Variants in RPS17 observed in about 807,000 individuals in gnomAD.
The protein encoded by RPS17 is small ribosomal subunit protein eS17.
For missense variants in RPS17, 68 were observed against 182.3 expected (o/e 0.37, Z 3.61); for synonymous variants, 75 against 65.6 (o/e 1.14, Z -0.70).
chr15:82,539,764 G>T, intron 2 of RPS17: 1 of 753,510 alleles, frequency 1.3e-6, no homozygotes. Flanking sequence ...AGGTCTGACG[G>T]TGGCTACCTT....
At chr15:82,537,160 C>G in intron 4 of RPS17, 1 of 533,462 alleles carries the variant, frequency 1.9e-6, no homozygotes, top group Non-Finnish European at 3.4e-6. Flanking sequence ...CCCTTCCTAT[C>G]AATCACTCTA....
chr15:82,538,846 A>G, intron 3 of RPS17, 34 bp downstream of exon 3: 1 of 1,606,122 alleles, frequency 6.2e-7, no homozygotes, highest in African/African-American at 1.3e-5. Flanking sequence ...TCATTTGAGG[A>G]TTAGCCAGAA....
At chr15:82,538,045 A>G in intron 4 of RPS17, 2 of 531,074 alleles carry the variant, frequency 3.8e-6, no homozygotes, top group South Asian at 3.1e-5. Context: ...TAAGCCAGCT[A>G]TAAAACCAAG....
chr15:82,537,015 C>T (rs1435575508), intron 4 of RPS17, 134 bp from the exon 5 acceptor site: 5 of 933,274 alleles, frequency 5.4e-6, no homozygotes, highest in Non-Finnish European at 8.8e-6. Flanking sequence ...CCTTTAAGAG[C>T]CAACAGGGTT....
At chr15:82,537,020 A>C (rs1170928326) in intron 4 of RPS17, 139 bp from the exon 5 acceptor site, 7 of 884,144 alleles carry the variant, frequency 7.9e-6, no homozygotes, top group Non-Finnish European at 1.1e-5. Context: ...AAGAGCCAAC[A>C]GGGTTCTCAA....
intron 2 of RPS17, 63 bp from the exon 3 acceptor site, chr15:82,539,048 A>G (rs1202328692): frequency 2.7e-6 from 4 of 1,506,550 alleles, no homozygotes; most frequent in African/African-American, 1.4e-5. Context: ...CCTGGTACTG[A>G]GCACATGTGC....
intron 2 of RPS17, chr15:82,539,721 T>C: frequency 1.6e-6 from 1 of 620,440 alleles, no homozygotes; most frequent in South Asian, 1.9e-5. Flanking sequence ...AGAAAAAAGT[T>C]GACAACTAAA....
chr15:82,540,164 G>A (rs934226334), intron 1 of RPS17, 32 bp from the exon 2 acceptor site: 1 of 1,613,666 alleles, frequency 6.2e-7, no homozygotes, highest in Non-Finnish European at 8.5e-7. Flanking sequence ...TCACTCACGA[G>A]CCAGCGCAAC....
rs964872013 is a variant in RPS17 at position 82,536,876 on chromosome 15, G to A, written c.333C>T (p.Phe111=). 37 of 1,613,854 alleles carry A rather than the reference G, an allele frequency of 2.3e-5. No homozygotes were observed. The highest frequency in any genetic ancestry group is 1.8e-4 in the East Asian group (8 of 44,894). Residue 111 remains phenylalanine, a synonymous_variant, in exon 5 of 5, where the codon TTC becomes TTT. Transcript: ENST00000647841. ...TGACCTGAAGGTTGGACAGACTGCC[G>A]AAGTCCTGGAACGAGAAAATGGATT... The part of the protein sequence containing the change: ...DTKEMLKLLD[F]GSLSNLQVTQ...
intron 4 of RPS17, 22 bp downstream of exon 4, chr15:82,538,284 T>C (rs2034275903): frequency 6.2e-7 from 1 of 1,613,222 alleles, no homozygotes. Context: ...AATACCACTT[T>C]AGGAATCCAG....
chr15:82,539,767 G>T (rs2034311486), intron 2 of RPS17: 6 of 773,202 alleles, frequency 7.8e-6, no homozygotes, highest in Non-Finnish European at 1.3e-5. Context: ...TCTGACGGTG[G>T]CTACCTTCGA....
Position 82,536,802 on chromosome 15 carries a change from C to T in RPS17, c.407G>A (p.Ter136=), listed in dbSNP as rs879237601. ...MNFKTPRGPV[*] is the part of the protein sequence containing the mutation. ...ATAATACAGCACTACAGAAAAAATT[C>T]AAACAGGTCCCCGAGGCGTTTTGAA... Residue 136 remains the stop codon, a stop_retained_variant, in exon 5 of 5, where the codon TGA becomes TAA. Transcript: ENST00000647841. The T allele has an allele frequency of 6.2e-7, 1 of 1,613,842 alleles. No homozygotes were observed. The highest frequency in any genetic ancestry group is 8.5e-7 in the Non-Finnish European group (1 of 1,179,876).
At chr15:82,537,610 A>C (rs983548533) in intron 4 of RPS17, 20 of 340,766 alleles carry the variant, frequency 5.9e-5, no homozygotes, top group Non-Finnish European at 1.1e-4. Flanking sequence ...TTTTAGTTTC[A>C]ACAAAAATGC....
intron 4 of RPS17, chr15:82,537,930 GGACCAAA>G: frequency 2.2e-6 from 1 of 459,612 alleles, no homozygotes; most frequent in Non-Finnish European, 4.4e-6. Flanking sequence ...ACCTGGAAAT[GGACCAAA>G]GCTCATTTCT....
chr15:82,539,500 CA>C, intron 2 of RPS17: 1 of 458,056 alleles, frequency 2.2e-6, no homozygotes, highest in Non-Finnish European at 4.4e-6. Context: ...CCAGCCTGGT[CA>C]ACATTGTGAA....
At chr15:82,539,865 A>T in intron 2 of RPS17, 116 bp downstream of exon 2, 1 of 1,522,890 alleles carries the variant, frequency 6.6e-7, no homozygotes, top group South Asian at 1.1e-5. Context: ...TCTCCGGGAC[A>T]CCAGGGAGTC....
chr15:82,538,159 C>A, intron 4 of RPS17, 147 bp downstream of exon 4: 1 of 829,532 alleles, frequency 1.2e-6, no homozygotes, highest in South Asian at 1.4e-5. Context: ...CGCTACACCC[C>A]TTATGAAAGC....
intron 3 of RPS17, 53 bp from the exon 4 acceptor site, chr15:82,538,424 C>T: frequency 6.3e-7 from 1 of 1,582,424 alleles, no homozygotes; most frequent in Non-Finnish European, 8.7e-7. Flanking sequence ...TTATCACTCA[C>T]CTCTCCTCCT....
rs928769165 is a variant in RPS17, at chr15:82,538,262, T to G, written c.327+44A>C. 8.6e-4 allele frequency: 1,388 copies of G among 1,609,622 alleles called. 9 individuals carry two copies. The African/African-American group carries it at 0.016, about 18-fold the overall frequency. On this transcript the variant is annotated intron_variant, in intron 4 of 4. Transcript: ENST00000647841. ...TGGATAATAAGACCTACTGATGGTT[T>G]TTGACCAGGAAAATACCACTTTAGG...
Sources: gnomAD v4.1 joint callset for allele counts on GRCh38, gnomAD v4.1.1 for gene constraint, MANE v1.5 for transcripts, NCBI Gene and HGNC (gene_info 2026-07-23, HGNC 2026-07-21) for gene names.